Variants in SNTG1 observed in about 807,000 individuals in gnomAD.
SNTG1 encodes gamma-1-syntrophin.
A neutral mutation model predicts 74.7 loss-of-function variants in SNTG1; 39 were observed. The observed-to-expected ratio is 0.52, with a 90% CI of 0.40 to 0.68. SNTG1 has a LOEUF of 0.68. Ranked by LOEUF, SNTG1 falls within the 30% of genes least tolerant of loss-of-function variation. SNTG1 has a pLI of 0.00. For missense variants in SNTG1, 685 were observed against 609.5 expected (o/e 1.12, Z -1.30); for synonymous variants, 254 against 217.1 (o/e 1.17, Z -1.49).
chr8:50,166,073 G>C (rs989108770), intron 1 of SNTG1, among the ~76,000 whole-genome samples: 3 of 113,098 alleles, frequency 2.7e-5, no homozygotes, highest in South Asian at 3.6e-4. Context: ...GCCATATGTA[G>C]AAAGCTGAAA....
chr8:50,343,896 A>T (rs775403818), intron 2 of SNTG1, among the ~76,000 whole-genome samples: 1 of 152,168 alleles, frequency 6.6e-6, no homozygotes, highest in African/African-American at 2.4e-5. Context: ...ATATTATCAC[A>T]ATAGTGATGA....
chr8:50,204,921 A>G (rs1259871908), intron 2 of SNTG1, among the ~76,000 whole-genome samples: 1 of 152,198 alleles, frequency 6.6e-6, no homozygotes, highest in African/African-American at 2.4e-5. Flanking sequence ...ATGGCTGCAT[A>G]GTATTCCATG....
intron 1 of SNTG1, among the ~76,000 whole-genome samples, chr8:50,126,317 T>G (rs1454164436): frequency 6.6e-6 from 1 of 152,156 alleles, no homozygotes; most frequent in Non-Finnish European, 1.5e-5. Flanking sequence ...TGCCAGGCTG[T>G]ATAGTTTTAT....
rs187807927 is a variant in SNTG1, at chr8:50,262,080, A to G, written c.-28+89445A>G. Among the ~76,000 whole-genome samples the G allele has an allele frequency of 2.6e-5, 4 of 152,286 alleles. 1 individual carries two copies. Among genetic ancestry groups the G allele is most frequent in the Admixed American group, 2.6e-4 (4 of 15,294 alleles). On this transcript the variant is annotated intron_variant, in intron 2 of 18. Transcript: ENST00000642720. ...GTAGCTGGAAAAATCACCAAATACT[A>G]GAAGATTAAATAACATATTTCTAAA...
At position 50,198,957 on chromosome 8, in the gene SNTG1, G is replaced by A. The variant is rs147190135; in HGVS notation, c.-28+26322G>A. 6.8e-4 allele frequency among the ~76,000 whole-genome samples: 104 copies of A among 152,236 alleles called. No homozygotes were observed. The East Asian group carries it at 0.016, about 23-fold the overall frequency. On this transcript the variant is annotated intron_variant, in intron 2 of 18. Transcript: ENST00000642720. ...GGTCACACTGTTTTTATTTTTGGTG[G>A]AAGTTGTAAATGAAATGCTTACACA...
chr8:50,709,163 A>T, intron 17 of SNTG1, 185 bp downstream of exon 17: 1 of 577,152 alleles, frequency 1.7e-6, no homozygotes. Flanking sequence ...TTAATAAAAC[A>T]TATGTAGTAC....
intron 4 of SNTG1, among the ~76,000 whole-genome samples, chr8:50,424,558 G>A (rs529709840): frequency 6.6e-6 from 1 of 152,276 alleles, no homozygotes; most frequent in Non-Finnish European, 1.5e-5. Flanking sequence ...TATGATACAA[G>A]TTTCCAGGAA....
At chr8:50,449,591 G>A (rs2093436693) in intron 5 of SNTG1, 77 bp from the exon 6 acceptor site, 1 of 1,139,900 alleles carries the variant, frequency 8.8e-7, no homozygotes, top group Non-Finnish European at 1.2e-6. Flanking sequence ...ATTCCCTTCA[G>A]AGCCTGTATG....
intron 1 of SNTG1, among the ~76,000 whole-genome samples, chr8:49,980,620 G>C (rs755475310): frequency 6.8e-6 from 1 of 147,408 alleles, no homozygotes; most frequent in African/African-American, 2.5e-5. Flanking sequence ...GACTCCACTC[G>C]CAAGAACAGT....
At chr8:50,023,233 C>T (rs753799718) in intron 1 of SNTG1, among the ~76,000 whole-genome samples, 5 of 152,134 alleles carry the variant, frequency 3.3e-5, no homozygotes, top group African/African-American at 7.2e-5. Flanking sequence ...TGAGTTAAAG[C>T]GGTGATATTA....
At chr8:50,293,453 A>C (rs2089221111) in intron 2 of SNTG1, among the ~76,000 whole-genome samples, 1 of 146,322 alleles carries the variant, frequency 6.8e-6, no homozygotes, top group Non-Finnish European at 1.5e-5. Context: ...TCTGCCACCC[A>C]GGCTGGAGTG....
intron 2 of SNTG1, among the ~76,000 whole-genome samples, chr8:50,238,699 C>G (rs2086029783): frequency 6.6e-6 from 1 of 152,082 alleles, no homozygotes; most frequent in South Asian, 2.1e-4. Context: ...ACAGAGTAAA[C>G]AGACAACCTA....
intron 9 of SNTG1, among the ~76,000 whole-genome samples, chr8:50,522,409 T>C (rs549086036): frequency 6.6e-6 from 1 of 152,206 alleles, no homozygotes; most frequent in East Asian, 1.9e-4. Flanking sequence ...GGCCTTGTTG[T>C]TCCATTTCTA....
chr8:50,230,692 T>C (rs1037785719), intron 2 of SNTG1, among the ~76,000 whole-genome samples: 1 of 151,160 alleles, frequency 6.6e-6, no homozygotes, highest in South Asian at 2.1e-4. Context: ...AAACAGGATA[T>C]CCACATGCAA....
At chr8:50,107,166 C>A (rs1043448890) in intron 1 of SNTG1, among the ~76,000 whole-genome samples, 2 of 152,118 alleles carry the variant, frequency 1.3e-5, no homozygotes, top group African/African-American at 4.8e-5. Context: ...CTTGAATGCC[C>A]TTTTATATTT....
At chr8:50,210,109 A>T (rs1262328152) in intron 2 of SNTG1, among the ~76,000 whole-genome samples, 1 of 152,206 alleles carries the variant, frequency 6.6e-6, no homozygotes, top group Admixed American at 6.5e-5. Flanking sequence ...GATTTGATCA[A>T]GTGGAAGAAG....
chr8:50,502,879 A>G lies in SNTG1; in HGVS notation c.465A>G (p.Ala155=), dbSNP rs1205207096. ...FLKLPLNEDC[A]CAPSDQSSGT... The stretch of plus-strand genomic sequence containing the variant: ...AACTCCCATTGAATGAAGATTGTGC[A>G]TGTAAGCATTTATAAAGAATAGATA... Residue 155 remains alanine (A), a splice_region_variant and synonymous_variant, in exon 9 of 19, where the codon GCA becomes GCG. Transcript: ENST00000642720. 4.3e-6 allele frequency: 7 copies of G among 1,609,982 alleles called. No individual in the cohort carries two copies. In the Admixed American group the frequency reaches 1.0e-4, roughly 23 times the overall value.
At chr8:50,017,635 T>C (rs1471493366) in intron 1 of SNTG1, among the ~76,000 whole-genome samples, 1 of 151,938 alleles carries the variant, frequency 6.6e-6, no homozygotes, top group African/African-American at 2.4e-5. Flanking sequence ...TCAGGCAACA[T>C]AGACTTTAAG....
rs1462793464 is a variant in SNTG1 at position 49,911,993 on chromosome 8, T to C, written c.-341T>C. ...AGCAACTTCAAGAATCATTTTTCTA[T>C]AGGGGTCTGGGAGGAATTCTGGAGG... On this transcript the variant is annotated 5_prime_UTR_variant, in exon 1 of 19. It removes the in-frame stop codon of an upstream open reading frame in the 5' UTR. Coordinates refer to ENST00000642720, the MANE Select transcript of SNTG1 (RefSeq NM_018967.5). 2.0e-5 allele frequency: 3 copies of C among 152,286 alleles called. No homozygotes were observed. The highest frequency in any genetic ancestry group is 7.2e-5 in the African/African-American group (3 of 41,452). 9.4% of individuals were successfully genotyped at this position (152,286 alleles called of 1,614,324 possible).
Sources: gnomAD v4.1 joint callset for allele counts (sites outside exome capture counted in the v4.1 genomes callset) on GRCh38, gnomAD v4.1.1 for gene constraint, MANE v1.5 for transcripts, NCBI Gene and HGNC (gene_info 2026-07-23, HGNC 2026-07-21) for gene names.